The following NCAPG2 variants were observed in gnomAD, a reference collection of about 807,000 sequenced individuals.
NCAPG2 encodes condensin-2 complex subunit G2.
In NCAPG2, 53 loss-of-function variants were observed where a neutral mutation model predicts 141.1. The observed-to-expected ratio is 0.38, with a 90% confidence interval of 0.30 to 0.47. The LOEUF (loss-of-function observed/expected upper bound fraction) is 0.47. Ranked by LOEUF, NCAPG2 falls within the 20% of genes least tolerant of loss-of-function variation. The probability of loss-of-function intolerance (pLI) is 0.99; values close to 1 mark genes in which losing one functional copy is unlikely to be tolerated. For synonymous variants in NCAPG2, 499 were observed against 490.7 expected, an observed-to-expected ratio of 1.02 and a Z score of -0.22; for missense variants, 1,087 against 1,389.0, an observed-to-expected ratio of 0.78 and a Z score of 3.46.
intron 27 of NCAPG2, chr7:158,640,052 C>CAAAAAAAAAAAAAAAAAAAAAAAA (rs58368997): frequency 2.0e-5 from 2 of 98,324 alleles, no homozygotes; most frequent in African/African-American, 3.9e-5. Context: ...GAATAAATGC[C>CAAAAAAAAAAAAAAAAAAAAAAAA]AAAAAAAAAA....
chr7:158,680,028 T>A lies in NCAPG2; in HGVS notation c.1078A>T (p.Ile360Phe). ...AALLFVEAFPIRDPNLHAIEM... is the reference protein window; with the variant it reads ...AALLFVEAFPFRDPNLHAIEM... The stretch of plus-strand genomic sequence containing the variant: ...ATAGCATGAAGGTTTGGATCCCTAA[T>A]AGGAAATGCTTCAACAAACAACAAT... The change falls in exon 11 of 28, where the codon ATT becomes TTT. Residue 360 changes from isoleucine to phenylalanine, a missense_variant. Ile to Phe is a conservative substitution (Grantham distance 21). Transcript: ENST00000356309. 1 of 1,614,098 alleles carries A rather than the reference T, an allele frequency of 6.2e-7. No homozygotes were observed. Among genetic ancestry groups the A allele is most frequent in the Non-Finnish European group, 8.5e-7 (1 of 1,179,940 alleles).
chr7:158,694,307 T>C (rs571631032), intron 2 of NCAPG2, among the ~76,000 whole-genome samples: 8 of 152,138 alleles, frequency 5.3e-5, no homozygotes, highest in South Asian at 2.1e-4. Flanking sequence ...TGAATAAACA[T>C]AGATGCAATA....
chr7:158,631,554 A>G lies in NCAPG2; in HGVS notation c.*112T>C, dbSNP rs111624945. ...TCCCACATTCCCACAAAAAAATCCC[A>G]CCCTTTCCCTATTATATGGGTTATT... On this transcript the variant is annotated 3_prime_UTR_variant, in exon 28 of 28. Coordinates refer to ENST00000356309, the MANE Select transcript of NCAPG2 (RefSeq NM_017760.7). The G allele has an allele frequency of 5.3e-5, 56 of 1,053,896 alleles. No homozygotes were observed. The South Asian group carries it at 7.4e-4, about 14-fold the overall frequency. 65.3% of individuals were successfully genotyped at this position (1,053,896 alleles called of 1,614,324 possible).
intron 13 of NCAPG2, 97 bp from the exon 14 acceptor site, chr7:158,664,847 C>A (rs1387997113): frequency 1.0e-6 from 1 of 998,628 alleles, no homozygotes; most frequent in Non-Finnish European, 1.4e-6. Flanking sequence ...AAAAAAGGAA[C>A]TAATTTTTAT....
chr7:158,701,232 C>T (rs996537686), intron 2 of NCAPG2, among the ~76,000 whole-genome samples: 2 of 152,234 alleles, frequency 1.3e-5, no homozygotes, highest in Non-Finnish European at 2.9e-5. Context: ...GTTCCTAATT[C>T]AACCATCATT....
intron 27 of NCAPG2, among the ~76,000 whole-genome samples, chr7:158,642,482 C>T (rs923502839): frequency 2.0e-5 from 3 of 151,800 alleles, no homozygotes; most frequent in African/African-American, 4.8e-5. Context: ...AAGCTGTGAT[C>T]GTGCCACTAC....
intron 27 of NCAPG2, among the ~76,000 whole-genome samples, chr7:158,639,534 G>A (rs1321768268): frequency 6.6e-6 from 1 of 152,096 alleles, no homozygotes; most frequent in African/African-American, 2.4e-5. Flanking sequence ...AAGCCATTTT[G>A]TTAATAAATT....
At chr7:158,651,386 T>C (rs1392622760) in intron 23 of NCAPG2, among the ~76,000 whole-genome samples, 1 of 152,194 alleles carries the variant, frequency 6.6e-6, no homozygotes, top group Non-Finnish European at 1.5e-5. Flanking sequence ...TCACAGGCAC[T>C]TGAAACAAAT....
chr7:158,667,089 G>A (rs1833021537), intron 13 of NCAPG2: 6 of 969,532 alleles, frequency 6.2e-6, no homozygotes, highest in Non-Finnish European at 6.1e-6. Flanking sequence ...ATGTCATTCT[G>A]TAACCTTAAC....
chr7:158,651,002 T>C, intron 23 of NCAPG2, 30 bp from the exon 24 acceptor site: 3 of 1,541,854 alleles, frequency 1.9e-6, no homozygotes, highest in Non-Finnish European at 2.6e-6. Context: ...TCACTTTTAA[T>C]GACTAAAAAC....
chr7:158,653,387 A>AAAAAAAAT (rs1554553516), intron 22 of NCAPG2, among the ~76,000 whole-genome samples: 14 of 146,140 alleles, frequency 9.6e-5, no homozygotes, highest in African/African-American at 3.0e-4. Flanking sequence ...ATAAAAAAAA[A>AAAAAAAAT]AATAATAATA....
At chr7:158,656,788 G>A in intron 17 of NCAPG2, 83 bp from the exon 18 acceptor site, 1 of 1,484,482 alleles carries the variant, frequency 6.7e-7, no homozygotes, top group Non-Finnish European at 9.1e-7. Context: ...AAACCAAGAA[G>A]CTAAAATCTG....
At position 158,671,556 on chromosome 7, in the gene NCAPG2, A is replaced by C. The variant is rs1833683350; in HGVS notation, c.1437T>G (p.Phe479Leu). The change falls in exon 13 of 28, where the codon TTT (phenylalanine) becomes TTG (leucine). Residue 479 changes from phenylalanine (F) to leucine (L), a missense_variant. Physicochemically the swap from Phe to Leu is conservative, Grantham distance 22 (BLOSUM62 0). Coordinates refer to ENST00000356309, the MANE Select transcript of NCAPG2 (RefSeq NM_017760.7). ...CTTTGATCTTCAACAGCATGTCCACAAAAGCTACCCTCACTTTCTCCGAAT... is the reference window on the plus strand; with the variant it reads ...CTTTGATCTTCAACAGCATGTCCACCAAAGCTACCCTCACTTTCTCCGAAT... ...HDNSEKVRVA[F>L]VDMLLKIKAV... The C allele has an allele frequency of 1.2e-6, 2 of 1,614,216 alleles. No individual in the cohort carries two copies. Among genetic ancestry groups the C allele is most frequent in the Non-Finnish European group, 1.7e-6 (2 of 1,180,040 alleles).
intron 23 of NCAPG2, 64 bp from the exon 24 acceptor site, chr7:158,651,036 AAC>A: frequency 2.7e-6 from 4 of 1,466,408 alleles, no homozygotes; most frequent in Non-Finnish European, 3.6e-6. Context: ...AAAACAAAAA[AAC>A]ACTTTAAAAT....
chr7:158,671,167 A>G (rs952505123), intron 13 of NCAPG2, among the ~76,000 whole-genome samples: 1 of 1,138 alleles, frequency 8.8e-4, no homozygotes, highest in Non-Finnish European at 2.1e-3. Flanking sequence ...TGTGTGGGGC[A>G]GGGGGGTGGG....
intron 23 of NCAPG2, among the ~76,000 whole-genome samples, 186 bp downstream of exon 23, chr7:158,652,107 A>T (rs1465135129): frequency 6.6e-6 from 1 of 152,078 alleles, no homozygotes; most frequent in Admixed American, 6.6e-5. Context: ...CTCTCAGTGT[A>T]TCCACCATGG....
chr7:158,669,018 G>A (rs539305140), intron 13 of NCAPG2, among the ~76,000 whole-genome samples: 16 of 152,216 alleles, frequency 1.1e-4, no homozygotes, highest in South Asian at 1.0e-3. Flanking sequence ...GAGAACATGC[G>A]GTATTTTGTT....
intron 16 of NCAPG2, among the ~76,000 whole-genome samples, chr7:158,660,488 C>T (rs4909248): frequency 0.55 from 80,892 of 146,454 alleles, 22,652 homozygotes; most frequent in Non-Finnish European, 0.61. Flanking sequence ...AGTATGATCA[C>T]AGTTCACTGT....
intron 13 of NCAPG2, among the ~76,000 whole-genome samples, chr7:158,668,946 A>G (rs1257758352): frequency 6.6e-6 from 1 of 152,144 alleles, no homozygotes; most frequent in Non-Finnish European, 1.5e-5. Context: ...AACAGGCCCC[A>G]GTATGTGTTG....
Sources: allele counts gnomAD v4.1 joint callset (sites outside exome capture counted in the v4.1 genomes callset), GRCh38; gene constraint gnomAD v4.1.1; transcripts MANE v1.5; gene names NCBI Gene and HGNC (gene_info 2026-07-23, HGNC 2026-07-21).